The following EEF1AKMT2 variants were observed in gnomAD, a reference collection of about 807,000 sequenced individuals.
EEF1AKMT2 encodes eukaryotic translation elongation factor 1 alpha lysine methyltransferase 2.
EEF1AKMT2 carries 32 observed loss-of-function variants against 35.8 expected under a neutral mutation model. The ratio of observed to expected loss-of-function variants is 0.89; its 90% CI spans 0.67 to 1.20. EEF1AKMT2 has a LOEUF of 1.20. EEF1AKMT2 is among the 50% of genes most tolerant of loss of function. The probability of loss-of-function intolerance (pLI) is 0.00; values close to 1 mark genes in which losing one functional copy is unlikely to be tolerated. For missense variants in EEF1AKMT2, 330 were observed against 347.5 expected (o/e 0.95, Z 0.40); for synonymous variants, 121 against 133.7 (o/e 0.91, Z 0.65).
At chr10:124,789,977 C>T (rs895666552) in intron 2 of EEF1AKMT2, among the ~76,000 whole-genome samples, 3 of 151,764 alleles carry the variant, frequency 2.0e-5, no homozygotes, top group South Asian at 4.2e-4. Flanking sequence ...CTGCAATCTC[C>T]GCCTCCCAGG....
intron 4 of EEF1AKMT2, among the ~76,000 whole-genome samples, chr10:124,773,618 A>G (rs1485078635): frequency 6.6e-6 from 1 of 152,210 alleles, no homozygotes; most frequent in Non-Finnish European, 1.5e-5. Context: ...GGAAGATAGG[A>G]GACCAGCCAG....
chr10:124,757,166 C>CACACACA (rs1950292934), downstream of EEF1AKMT2, among the ~76,000 whole-genome samples: 5 of 143,174 alleles, frequency 3.5e-5, no homozygotes, highest in African/African-American at 7.8e-5. Context: ...ACACTCCCTC[C>CACACACA]CACACACACA....
At chr10:124,782,389 T>C (rs1211510074) in intron 3 of EEF1AKMT2, among the ~76,000 whole-genome samples, 1 of 151,834 alleles carries the variant, frequency 6.6e-6, no homozygotes, top group Non-Finnish European at 1.5e-5. Flanking sequence ...GAGACCATCC[T>C]GGCTAACACG....
intron 3 of EEF1AKMT2, 103 bp downstream of exon 3, chr10:124,788,940 T>C: frequency 1.3e-6 from 1 of 746,152 alleles, no homozygotes; most frequent in Non-Finnish European, 2.2e-6. Context: ...GTATGACTGC[T>C]TTACTATTTT....
At position 124,759,500 on chromosome 10, in the gene EEF1AKMT2, C is replaced by T. The variant is rs1950312080; in HGVS notation, c.*1003G>A. The T allele has an allele frequency of 6.6e-6, 1 of 152,194 alleles. No individual in the cohort carries two copies. Among genetic ancestry groups the T allele is most frequent in the Non-Finnish European group, 1.5e-5 (1 of 68,038 alleles). 9.4% of individuals were successfully genotyped at this position (152,194 alleles called of 1,614,324 possible). The stretch of plus-strand genomic sequence containing the variant: ...ATATGTAATCATCATGGGTCTCCAG[C>T]TGTACTGTAAATGCTACAAAGGCAA... On this transcript the variant is annotated 3_prime_UTR_variant, in exon 7 of 7. Transcript: ENST00000368836.
intron 4 of EEF1AKMT2, among the ~76,000 whole-genome samples, chr10:124,772,420 C>CTTTTTTTTTTTT (rs59707540): frequency 5.3e-5 from 4 of 75,412 alleles, no homozygotes; most frequent in Admixed American, 2.2e-4. Flanking sequence ...TTTTCTTTTT[C>CTTTTTTTTTTTT]TTTTTTTTTT....
chr10:124,782,326 T>G (rs955196579), intron 3 of EEF1AKMT2, among the ~76,000 whole-genome samples: 1 of 151,814 alleles, frequency 6.6e-6, no homozygotes, highest in African/African-American at 2.4e-5. Flanking sequence ...CTCACGCCTG[T>G]AATCCCAGCA....
chr10:124,763,239 G>A (rs1950347538), intron 5 of EEF1AKMT2, among the ~76,000 whole-genome samples: 1 of 152,142 alleles, frequency 6.6e-6, no homozygotes, highest in East Asian at 1.9e-4. Flanking sequence ...CATCAAATTA[G>A]AACATGGGCA....
chr10:124,773,124 G>A (rs1015154341), intron 4 of EEF1AKMT2, among the ~76,000 whole-genome samples: 1 of 152,228 alleles, frequency 6.6e-6, no homozygotes, highest in African/African-American at 2.4e-5. Flanking sequence ...AGTGAGAGAT[G>A]TGTGACTCTA....
chr10:124,767,048 C>T (rs562988573), intron 4 of EEF1AKMT2, among the ~76,000 whole-genome samples: 2 of 150,408 alleles, frequency 1.3e-5, no homozygotes, highest in African/African-American at 4.9e-5. Context: ...GTAGTCCCAG[C>T]TACTCGGCAG....
chr10:124,777,804 A>G (rs1221653490), intron 3 of EEF1AKMT2, among the ~76,000 whole-genome samples: 1 of 152,038 alleles, frequency 6.6e-6, no homozygotes, highest in Non-Finnish European at 1.5e-5. Flanking sequence ...AAGTGCTGGG[A>G]TTACAGGCAT....
At position 124,781,734 on chromosome 10, in the gene EEF1AKMT2, G is replaced by T. The variant is rs369715425; in HGVS notation, c.292-6952C>A. Reference sequence around the variant, plus strand: ...CCCTCTCTAAAATAATTTCCAAGAAGAATTTCTTAGACAGAAAGAAAAAAA... The same window carrying T: ...CCCTCTCTAAAATAATTTCCAAGAATAATTTCTTAGACAGAAAGAAAAAAA... On this transcript the variant is annotated intron_variant, in intron 3 of 6. Transcript: ENST00000368836. 1.2e-4 allele frequency among the ~76,000 whole-genome samples: 16 copies of T among 133,916 alleles called. No homozygotes were observed. The East Asian group carries it at 2.9e-3, about 24-fold the overall frequency. 87.9% of individuals were successfully genotyped at this position (133,916 alleles called of 152,430 possible).
At position 124,762,470 on chromosome 10, in the gene EEF1AKMT2, AC is replaced by A. The variant is rs1460034850; in HGVS notation, c.704del (p.Gly235ValfsTer12). 1.5e-6 allele frequency: 2 copies of A among 1,297,164 alleles called. No homozygotes were observed. Among genetic ancestry groups the A allele is most frequent in the African/African-American group, 1.5e-5 (1 of 65,712 alleles). 80.4% of individuals were successfully genotyped at this position (1,297,164 alleles called of 1,614,324 possible). A position where few individuals can be genotyped will look rare whatever the true frequency, so the allele number is the denominator to read the frequency against. On this transcript the variant is annotated frameshift_variant, in exon 6 of 7. Coordinates refer to ENST00000368836, the MANE Select transcript of EEF1AKMT2 (RefSeq NM_212554.4). LOFTEE classifies it high-confidence loss of function. ...CATGATGATGTGTGCCTGTAGTTCC[AC>A]CTACTCGGGAGGCTGAAGTGGAAAA... is the stretch of plus-strand genomic sequence containing the variant. ...AIFSTSASRV[G>X]GTTGTHHHAW... is the part of the protein sequence containing the mutation.
chr10:124,766,049 T>C (rs1950376145), intron 4 of EEF1AKMT2: 1 of 157,706 alleles, frequency 6.3e-6, no homozygotes, highest in Non-Finnish European at 1.4e-5. Context: ...CGGGATAGAC[T>C]TGAAAACCTG....
In EEF1AKMT2 at chr10:124,765,628, C is replaced by T. The variant is rs749890839; in HGVS notation, c.400-20G>A. ...TTCTACCTATATTAAAAGTCAATGT[C>T]TATGTGAGAACAATTAAAACAAAAT... On this transcript the variant is annotated intron_variant, in intron 4 of 6. Transcript: ENST00000368836. 2 of 1,580,378 alleles carry T rather than the reference C, an allele frequency of 1.3e-6. No individual in the cohort carries two copies. The highest frequency in any genetic ancestry group is 1.7e-6 in the Non-Finnish European group (2 of 1,155,674).
intron 4 of EEF1AKMT2, among the ~76,000 whole-genome samples, chr10:124,770,497 G>A (rs1950422340): frequency 6.6e-6 from 1 of 152,130 alleles, no homozygotes; most frequent in African/African-American, 2.4e-5. Context: ...CTTTTCTCTG[G>A]CTGGAGGGCC....
downstream of EEF1AKMT2, chr10:124,757,775 A>T (rs1246347113): frequency 2.0e-5 from 3 of 152,214 alleles, no homozygotes; most frequent in Non-Finnish European, 4.4e-5. Flanking sequence ...CAGATGAAGA[A>T]AAAAGGAAAA....
chr10:124,781,919 A>C lies in EEF1AKMT2; in HGVS notation c.291+7124T>G, dbSNP rs541866904. 3.9e-5 allele frequency among the ~76,000 whole-genome samples: 6 copies of C among 152,330 alleles called. No individual in the cohort carries two copies. The East Asian group carries it at 9.6e-4, about 24-fold the overall frequency. On this transcript the variant is annotated intron_variant, in intron 3 of 6. Transcript: ENST00000368836. ...AGGTAATAGTAAAGACAACTACAAC[A>C]TAAAGGTGAAAGATCAAGAACCCAA...
chr10:124,772,719 T>G (rs763394621), intron 4 of EEF1AKMT2, among the ~76,000 whole-genome samples: 3 of 152,210 alleles, frequency 2.0e-5, no homozygotes, highest in Non-Finnish European at 4.4e-5. Flanking sequence ...TGAGCCACTG[T>G]GTCCAGCCAA....
Sources: allele counts gnomAD v4.1 joint callset (sites outside exome capture counted in the v4.1 genomes callset), GRCh38; gene constraint gnomAD v4.1.1; transcripts MANE v1.5; gene names NCBI Gene and HGNC (gene_info 2026-07-23, HGNC 2026-07-21).